Variants in VIT observed in about 807,000 individuals in gnomAD.
VIT encodes vitrin.
In VIT, 99 loss-of-function variants were observed where a neutral mutation model predicts 78.0. The observed-to-expected ratio is 1.27, with a 90% CI of 1.08 to 1.50. The LOEUF is 1.50. VIT is among the 40% of genes most tolerant of loss of function. The pLI is 0.00. For synonymous variants in VIT, 374 were observed against 334.3 expected, an observed-to-expected ratio of 1.12 and a Z score of -1.29; for missense variants, 1,126 against 875.3, an observed-to-expected ratio of 1.29 and a Z score of -3.61.
intron 1 of VIT, among the ~76,000 whole-genome samples, chr2:36,700,448 A>G (rs1664981277): frequency 1.3e-5 from 2 of 152,276 alleles, no homozygotes; most frequent in South Asian, 2.1e-4. Flanking sequence ...AACAACAACA[A>G]CAATAATAAT....
chr2:36,781,888 T>A, intron 10 of VIT, 117 bp downstream of exon 10: 1 of 1,232,222 alleles, frequency 8.1e-7, no homozygotes, highest in Non-Finnish European at 1.2e-6. Flanking sequence ...CTAGGATTTC[T>A]AATGGCTCCC....
rs556353188 is a variant in VIT at position 36,729,902 on chromosome 2, T to G, written c.118+411T>G. Reference sequence around the variant, plus strand: ...ACAGACCCTGGGAGCAGAAGGCAAATCTCGCAAAAAAGCCCATGCAATTTC... The same window carrying G: ...ACAGACCCTGGGAGCAGAAGGCAAAGCTCGCAAAAAAGCCCATGCAATTTC... On this transcript the variant is annotated intron_variant, in intron 3 of 15. Coordinates refer to ENST00000379242, the MANE Select transcript of VIT (RefSeq NM_053276.4). Among the ~76,000 whole-genome samples, 8 of 152,080 alleles carry G rather than the reference T, an allele frequency of 5.3e-5. No homozygotes were observed. The South Asian group carries it at 1.7e-3, about 32-fold the overall frequency.
At chr2:36,752,569 G>A (rs1668528147) in intron 4 of VIT, among the ~76,000 whole-genome samples, 2 of 152,204 alleles carry the variant, frequency 1.3e-5, no homozygotes, top group Non-Finnish European at 2.9e-5. Context: ...TACAAATGAT[G>A]AGGTGGTATT....
At chr2:36,808,438 G>A (rs1223586988) in intron 14 of VIT, 34 bp from the exon 15 acceptor site, 1 of 1,569,256 alleles carries the variant, frequency 6.4e-7, no homozygotes, top group South Asian at 1.2e-5. Flanking sequence ...ATTTGACCCT[G>A]ACGTGGCGTG....
At chr2:36,811,541 T>G (rs1252001928) in intron 15 of VIT, among the ~76,000 whole-genome samples, 5 of 152,228 alleles carry the variant, frequency 3.3e-5, no homozygotes, top group African/African-American at 1.2e-4. Flanking sequence ...TAATGAGCAT[T>G]GTGTTCCTGG....
chr2:36,801,427 A>G, intron 13 of VIT, 23 bp downstream of exon 13: 1 of 1,561,272 alleles, frequency 6.4e-7, no homozygotes, highest in Non-Finnish European at 8.8e-7. Context: ...GATTCAAATT[A>G]TACTATCTTG....
chr2:36,814,546 T>C lies in VIT; in HGVS notation c.*185T>C, dbSNP rs1041978761. On this transcript the variant is annotated 3_prime_UTR_variant, in exon 16 of 16. Coordinates refer to ENST00000379242, the MANE Select transcript of VIT (RefSeq NM_053276.4). ...CCAAAACTTGGAGTTACAAAGATGA[T>C]CACAAACGTATAGAATGAGCCAAAA... 2.5e-5 allele frequency: 18 copies of C among 729,328 alleles called. No homozygotes were observed. In the African/African-American group the frequency reaches 3.0e-4, roughly 12 times the overall value. The allele number at this position is 729,328 out of a possible 1,614,324, so 45.2% of individuals were successfully genotyped here.
chr2:36,717,578 C>T (rs569535019), intron 2 of VIT, among the ~76,000 whole-genome samples: 1 of 152,070 alleles, frequency 6.6e-6, no homozygotes, highest in Admixed American at 6.6e-5. Context: ...CACCAGAGTA[C>T]GCAATCATGG....
In VIT at chr2:36,805,535, G is replaced by C. The variant is rs1666653095; in HGVS notation, c.1260G>C (p.Trp420Cys). Residue 420 changes from tryptophan (W) to cysteine (C), a missense_variant, in exon 14 of 16, where the codon TGG becomes TGC. Coordinates refer to ENST00000379242, the MANE Select transcript of VIT (RefSeq NM_053276.4). ...PNVVVVMVDG[W>C]PTDKVEEASR... ...TGGTGGTGGTGATGGTGGATGGCTG[G>C]CCCACGGACAAAGTGGAGGAGGCTT... is the stretch of plus-strand genomic sequence containing the variant. The C allele has an allele frequency of 3.1e-6, 5 of 1,614,092 alleles. No homozygotes were observed. The East Asian group carries it at 1.1e-4, about 36-fold the overall frequency.
chr2:36,774,329 T>G lies in VIT; in HGVS notation c.736+482T>G, dbSNP rs1004062035. On this transcript the variant is annotated intron_variant, in intron 8 of 15. Coordinates refer to ENST00000379242, the MANE Select transcript of VIT (RefSeq NM_053276.4). Reference sequence around the variant, plus strand: ...ATGCCCCTGGCTGTCTTCATTTCTGTATGGTTTGGCCGAAGAACTAGGAAT... The same window carrying G: ...ATGCCCCTGGCTGTCTTCATTTCTGGATGGTTTGGCCGAAGAACTAGGAAT... Among the ~76,000 whole-genome samples the G allele has an allele frequency of 2.0e-4, 31 of 152,152 alleles. 1 individual carries two copies. The highest frequency in any genetic ancestry group is 2.0e-3 in the Admixed American group (31 of 15,270).
At chr2:36,726,870 G>A (rs957918048) in intron 2 of VIT, among the ~76,000 whole-genome samples, 7 of 150,660 alleles carry the variant, frequency 4.6e-5, no homozygotes, top group Admixed American at 2.6e-4. Context: ...AGGCTGTCTG[G>A]GAAAGAAAGG....
intron 1 of VIT, among the ~76,000 whole-genome samples, chr2:36,705,386 T>G (rs1277499482): frequency 6.6e-6 from 1 of 152,240 alleles, no homozygotes; most frequent in African/African-American, 2.4e-5. Context: ...ATGTAATTAC[T>G]GTTTGCAGTG....
intron 13 of VIT, among the ~76,000 whole-genome samples, chr2:36,803,364 A>G (rs776463475): frequency 1.3e-5 from 2 of 152,222 alleles, no homozygotes; most frequent in African/African-American, 4.8e-5. Flanking sequence ...TGGAAAATGT[A>G]GTTTTCTGAT....
chr2:36,787,056 G>C, intron 11 of VIT, 73 bp from the exon 12 acceptor site: 10 of 1,571,390 alleles, frequency 6.4e-6, no homozygotes, highest in Non-Finnish European at 8.7e-6. Flanking sequence ...GATGGAGAAA[G>C]AGGAACAAGA....
At chr2:36,800,453 C>G (rs984944328) in intron 12 of VIT, among the ~76,000 whole-genome samples, 1 of 152,218 alleles carries the variant, frequency 6.6e-6, no homozygotes, top group African/African-American at 2.4e-5. Flanking sequence ...ACGGCAGCAG[C>G]AGAGCACTAT....
chr2:36,750,820 C>CA lies in VIT; in HGVS notation c.276-4090dup, dbSNP rs796972289. Among the ~76,000 whole-genome samples the CA allele has an allele frequency of 1.2e-3, 160 of 134,680 alleles. 2 individuals are homozygous for CA. The East Asian group carries it at 0.014, about 12-fold the overall frequency. The allele number at this position is 134,680 out of a possible 152,430, so 88.4% of individuals were successfully genotyped here. Reference sequence around the variant, plus strand: ...TGGGTGACAGAACAAGACTCTGTCTCAAAAAAAAAAAGAAGAAAAAAAAAT... The same window carrying CA: ...TGGGTGACAGAACAAGACTCTGTCTCAAAAAAAAAAAAGAAGAAAAAAAAAT... On this transcript the variant is annotated intron_variant, in intron 4 of 15. Coordinates refer to ENST00000379242, the MANE Select transcript of VIT (RefSeq NM_053276.4).
chr2:36,764,747 G>A (rs189086165), intron 6 of VIT, among the ~76,000 whole-genome samples: 34 of 152,228 alleles, frequency 2.2e-4, no homozygotes, highest in African/African-American at 7.0e-4. Flanking sequence ...TGCAAAAGAC[G>A]GCAGAGTCAG....
At chr2:36,699,960 C>T (rs1465914551) in intron 1 of VIT, among the ~76,000 whole-genome samples, 5 of 152,026 alleles carry the variant, frequency 3.3e-5, no homozygotes, top group African/African-American at 1.2e-4. Context: ...GGGTCTATTA[C>T]TACTGCCTAC....
intron 1 of VIT, among the ~76,000 whole-genome samples, 156 bp from the exon 2 acceptor site, chr2:36,716,197 G>A (rs2148448519): frequency 6.6e-6 from 1 of 152,290 alleles, no homozygotes; most frequent in East Asian, 1.9e-4. Context: ...GCCAGCCACT[G>A]ACATCTCTAT....
Sources: allele counts gnomAD v4.1 joint callset (sites outside exome capture counted in the v4.1 genomes callset), GRCh38; gene constraint gnomAD v4.1.1; transcripts MANE v1.5; gene names NCBI Gene and HGNC (gene_info 2026-07-23, HGNC 2026-07-21).